Variants in RPS5 observed in about 807,000 individuals in gnomAD.
The protein encoded by RPS5 is ribosomal protein S5.
In RPS5, 2 loss-of-function variants were observed where a neutral mutation model predicts 20.9. The observed-to-expected ratio is 0.10, with a 90% CI of 0.04 to 0.30. The LOEUF (loss-of-function observed/expected upper bound fraction) is 0.30. Ranked by LOEUF, RPS5 falls within the 10% of genes least tolerant of loss-of-function variation. The pLI, the probability that RPS5 is intolerant of heterozygous loss-of-function variation, is 1.00. For missense variants in RPS5, 122 were observed against 287.2 expected, an observed-to-expected ratio of 0.42 and a Z score of 4.16; for synonymous variants, 112 against 105.8, an observed-to-expected ratio of 1.06 and a Z score of -0.36.
intron 4 of RPS5, chr19:58,393,728 GTA>G (rs2052378730): frequency 1.1e-5 from 5 of 472,146 alleles, no homozygotes; most frequent in Non-Finnish European, 7.4e-6. Flanking sequence ...TACACTGTGT[GTA>G]TATGTACTTT....
chr19:58,394,770 A>G lies in RPS5; in HGVS notation c.*20A>G, dbSNP rs182905998. On this transcript the variant is annotated 3_prime_UTR_variant, in exon 6 of 6. Transcript: ENST00000196551. Reference sequence around the variant, plus strand: ...CGCTGATTTTCCCAGCTGCTGCCCAATAAACCTGTCTGCCCTTTGGGGCAG... The same window carrying G: ...CGCTGATTTTCCCAGCTGCTGCCCAGTAAACCTGTCTGCCCTTTGGGGCAG... 1.9e-5 allele frequency: 30 copies of G among 1,613,522 alleles called. No individual in the cohort carries two copies. The East Asian group carries it at 5.1e-4, about 28-fold the overall frequency.
In RPS5 at chr19:58,389,083, C is replaced by T. The variant is rs146511122; in HGVS notation, c.108+838C>T. ...TGTTCCTACTCCGTACGGTTTTACA[C>T]ATACCCTTTTTTTCCCCTCCCCATG... is the stretch of plus-strand genomic sequence containing the variant. On this transcript the variant is annotated intron_variant, in intron 2 of 5. Coordinates refer to ENST00000196551, the MANE Select transcript of RPS5 (RefSeq NM_001009.4). Among the ~76,000 whole-genome samples, 9 of 152,288 alleles carry T rather than the reference C, an allele frequency of 5.9e-5. No homozygotes were observed. The East Asian group carries it at 1.3e-3, about 23-fold the overall frequency.
intron 2 of RPS5, among the ~76,000 whole-genome samples, chr19:58,389,489 G>A (rs542969028): frequency 6.6e-6 from 1 of 152,170 alleles, no homozygotes; most frequent in Admixed American, 6.5e-5. Context: ...AAGATGTCAG[G>A]GGACTTAGGC....
intron 2 of RPS5, among the ~76,000 whole-genome samples, chr19:58,389,103 C>T (rs1273822974): frequency 6.6e-6 from 1 of 152,042 alleles, no homozygotes; most frequent in Non-Finnish European, 1.5e-5. Context: ...TTTTCCCCTC[C>T]CCATGAAGGC....
At chr19:58,388,894 G>T (rs572624086) in intron 2 of RPS5, among the ~76,000 whole-genome samples, 5 of 152,100 alleles carry the variant, frequency 3.3e-5, no homozygotes, top group Non-Finnish European at 5.9e-5. Context: ...CTCCCAAAGT[G>T]CTGGGATTAC....
intron 2 of RPS5, among the ~76,000 whole-genome samples, chr19:58,388,850 C>T (rs567243841): frequency 1.3e-5 from 2 of 151,996 alleles, no homozygotes; most frequent in African/African-American, 4.8e-5. Context: ...AGGATGGTCT[C>T]GATCTCCTGA....
intron 4 of RPS5, chr19:58,394,103 C>A (rs1333915410): frequency 9.6e-6 from 2 of 208,034 alleles, no homozygotes; most frequent in African/African-American, 4.6e-5. Context: ...ACCTGGCCGC[C>A]TTTTTTGTTG....
At chr19:58,389,352 G>C (rs897491059) in intron 2 of RPS5, among the ~76,000 whole-genome samples, 1 of 151,356 alleles carries the variant, frequency 6.6e-6, no homozygotes, top group African/African-American at 2.4e-5. Flanking sequence ...GTTCACTGCA[G>C]CCTCAATACA....
Position 58,393,108 on chromosome 19 carries a change from C to T in RPS5, c.241C>T (p.Arg81Cys), listed in dbSNP as rs758870387. Residue 81 changes from arginine (R) to cysteine (C), a missense_variant, in exon 3 of 6, where the codon CGC becomes TGC. By Grantham distance (180) the Arg-to-Cys change is radical (BLOSUM62 -3). Transcript: ENST00000196551. The part of the protein sequence containing the change: ...RLTNSMMMHG[R>C]NNGKKLMTVR... ...CACTAACTCCATGATGATGCACGGC[C>T]GCAACAACGGCAAGAAGCTCATGAC... 7 of 1,614,090 alleles carry T rather than the reference C, an allele frequency of 4.3e-6. No homozygotes were observed. The highest frequency in any genetic ancestry group is 2.7e-5 in the African/African-American group (2 of 74,930).
At chr19:58,393,882 T>C (rs1480735828) in intron 4 of RPS5, 1 of 196,168 alleles carries the variant, frequency 5.1e-6, no homozygotes, top group Non-Finnish European at 1.0e-5. Flanking sequence ...ACAGCAATAG[T>C]CGTTGTTCCA....
chr19:58,387,697 A>C, intron 1 of RPS5: 1 of 172,632 alleles, frequency 5.8e-6, no homozygotes, highest in South Asian at 1.1e-4. Context: ...CTTTGGGTTG[A>C]TTGTGCCACA....
At chr19:58,388,594 A>G (rs930607553) in intron 2 of RPS5, 4 of 386,254 alleles carry the variant, frequency 1.0e-5, no homozygotes, top group Non-Finnish European at 1.8e-5. Context: ...TTTTCCCTCA[A>G]TTGAATGGCC....
chr19:58,393,598 C>A, intron 4 of RPS5, 111 bp downstream of exon 4: 1 of 1,381,606 alleles, frequency 7.2e-7, no homozygotes, highest in South Asian at 1.4e-5. Flanking sequence ...CCTGCAGCAT[C>A]ACTTCCTCTA....
At chr19:58,394,291 G>T in intron 4 of RPS5, 1 of 572,304 alleles carries the variant, frequency 1.7e-6, no homozygotes, top group Non-Finnish European at 3.1e-6. Context: ...TGTCACTGGG[G>T]ACGCAACTTC....
chr19:58,388,086 T>A (rs1433831579), intron 1 of RPS5, 51 bp from the exon 2 acceptor site: 1 of 1,323,384 alleles, frequency 7.6e-7, no homozygotes, highest in Non-Finnish European at 1.1e-6. Flanking sequence ...GCGCCTTTGC[T>A]CCATGCTAGC....
At chr19:58,388,054 A>T in intron 1 of RPS5, 83 bp from the exon 2 acceptor site, 2 of 882,642 alleles carry the variant, frequency 2.3e-6, no homozygotes, top group Non-Finnish European at 3.7e-6. Flanking sequence ...GATGGCGGCT[A>T]GCCTCAGAGT....
In RPS5 at chr19:58,394,464, G is replaced by C. The variant is rs550897541; in HGVS notation, c.448-33G>C. The C allele has an allele frequency of 3.8e-6, 6 of 1,599,460 alleles. No individual in the cohort carries two copies. In the South Asian group the frequency reaches 6.6e-5, roughly 18 times the overall value. On this transcript the variant is annotated intron_variant, in intron 4 of 5. Transcript: ENST00000196551. ...CCAGGGTGCTGGAGGACCGCAGTCTGTCCTTCTAGCCTGACCCCTGCTGTC... is the reference window on the plus strand; with the variant it reads ...CCAGGGTGCTGGAGGACCGCAGTCTCTCCTTCTAGCCTGACCCCTGCTGTC...
intron 1 of RPS5, chr19:58,387,936 C>G (rs4584938): frequency 0.33 from 190,138 of 579,702 alleles, 32,730 homozygotes; most frequent in African/African-American, 0.44. Flanking sequence ...CCCAGGGGTT[C>G]TAGGTGAAAG....
At chr19:58,393,233 C>T (rs563656934) in intron 3 of RPS5, 48 bp downstream of exon 3, 16 of 1,612,678 alleles carry the variant, frequency 9.9e-6, no homozygotes, top group African/African-American at 6.7e-5. Flanking sequence ...TCAGTACACC[C>T]GAAAGCCCCA....
Sources: gnomAD v4.1 joint callset for allele counts (sites outside exome capture counted in the v4.1 genomes callset) on GRCh38, gnomAD v4.1.1 for gene constraint, MANE v1.5 for transcripts, NCBI Gene and HGNC (gene_info 2026-07-23, HGNC 2026-07-21) for gene names.